TMEM232: variants seen among roughly 807,000 people sequenced by gnomAD.
The protein encoded by TMEM232 is transmembrane protein 232.
TMEM232 carries 80 observed loss-of-function variants against 78.8 expected under a neutral mutation model. That is an observed-to-expected ratio of 1.01 (90% confidence interval 0.85 to 1.22). TMEM232 has a LOEUF of 1.22. TMEM232 is among the 50% of genes most tolerant of loss of function. The pLI is 0.00. For synonymous variants in TMEM232, 297 were observed against 254.3 expected (o/e 1.17, Z -1.60); for missense variants, 881 against 742.2 (o/e 1.19, Z -2.17).
chr5:110,614,553 G>A (rs1782700458), intron 8 of TMEM232, among the ~76,000 whole-genome samples: 1 of 151,908 alleles, frequency 6.6e-6, no homozygotes, highest in South Asian at 2.1e-4. Flanking sequence ...CTAAAAATCG[G>A]TTAAAGAAAG....
rs1781394617 is a variant in TMEM232 at position 110,605,185 on chromosome 5, T to C, written c.1200A>G (p.Lys400=). 2 of 1,550,822 alleles carry C rather than the reference T, an allele frequency of 1.3e-6. No individual in the cohort carries two copies. Among genetic ancestry groups the C allele is most frequent in the African/African-American group, 1.4e-5 (1 of 73,002 alleles). ...SSQKNILYLD[K]SVPPELKETS... ...TTTCCTTTAATTCTGGAGGTACTGA[T>C]TTGTCCAAGTATAAAATATTTTTTT... Residue 400 remains lysine (K), a synonymous_variant, in exon 10 of 14, where the codon AAA becomes AAG. Transcript: ENST00000455884.
chr5:110,679,618 T>A (rs879474733), intron 1 of TMEM232, among the ~76,000 whole-genome samples: 1 of 152,204 alleles, frequency 6.6e-6, no homozygotes, highest in African/African-American at 2.4e-5. Context: ...TCTAGATTTT[T>A]ATCTGCATAT....
In TMEM232 at chr5:110,714,166, T is replaced by A. The variant is rs189371887; in HGVS notation, c.-13+12461A>T. Among the ~76,000 whole-genome samples the A allele has an allele frequency of 8.3e-4, 126 of 152,274 alleles. 1 individual carries two copies. Among genetic ancestry groups the A allele is most frequent in the Non-Finnish European group, 4.4e-4 (30 of 68,026 alleles). ...CTTGTCTGTTAACTGAGAGTATAATTTGGCAAGTTGGAACTCCCTGCTGCA... is the reference window on the plus strand; with the variant it reads ...CTTGTCTGTTAACTGAGAGTATAATATGGCAAGTTGGAACTCCCTGCTGCA... On this transcript the variant is annotated intron_variant, in intron 1 of 13. Coordinates refer to ENST00000455884, the MANE Select transcript of TMEM232 (RefSeq NM_001039763.4).
chr5:110,488,218 A>G (rs1764674050), intron 12 of TMEM232, among the ~76,000 whole-genome samples: 1 of 151,840 alleles, frequency 6.6e-6, no homozygotes, highest in Non-Finnish European at 1.5e-5. Context: ...TTTGTTTCTC[A>G]GTGAGGTTAT....
At chr5:110,639,244 A>G (rs143040524) in intron 4 of TMEM232, among the ~76,000 whole-genome samples, 2,736 of 152,234 alleles carry the variant, frequency 0.018, 30 homozygotes, top group Admixed American at 0.024. Context: ...TGGATTACAG[A>G]ATGAGGAGCA....
chr5:110,468,570 T>C (rs781640072), intron 12 of TMEM232, among the ~76,000 whole-genome samples: 20 of 152,204 alleles, frequency 1.3e-4, no homozygotes, highest in South Asian at 4.2e-4. Flanking sequence ...AAATGAAACA[T>C]TGGAAATTCT....
chr5:110,528,106 T>C (rs1324821410), intron 12 of TMEM232, among the ~76,000 whole-genome samples: 1 of 151,912 alleles, frequency 6.6e-6, no homozygotes, highest in Non-Finnish European at 1.5e-5. Context: ...CTTTAATAAA[T>C]TGTTCCTAAG....
At chr5:110,595,316 G>C (rs1780029287) in intron 10 of TMEM232, among the ~76,000 whole-genome samples, 1 of 152,134 alleles carries the variant, frequency 6.6e-6, no homozygotes, top group African/African-American at 2.4e-5. Context: ...AAAGATGAGG[G>C]AAAACCAGTG....
At chr5:110,474,381 TC>T (rs1438785988) in intron 12 of TMEM232, among the ~76,000 whole-genome samples, 4 of 152,088 alleles carry the variant, frequency 2.6e-5, no homozygotes, top group South Asian at 4.1e-4. Context: ...GTTTAATGTA[TC>T]CCTGTTCTGT....
intron 5 of TMEM232, among the ~76,000 whole-genome samples, chr5:110,636,378 G>A (rs952874755): frequency 9.9e-5 from 15 of 151,868 alleles, no homozygotes; most frequent in Non-Finnish European, 2.1e-4. Context: ...ACAATGCTTT[G>A]TATATTTCAA....
At chr5:110,712,684 G>A (rs1796615115) in intron 1 of TMEM232, among the ~76,000 whole-genome samples, 1 of 152,088 alleles carries the variant, frequency 6.6e-6, no homozygotes, top group African/African-American at 2.4e-5. Flanking sequence ...TAAATATTGT[G>A]TTTTGTATAG....
chr5:110,544,007 T>C (rs1773476689), intron 11 of TMEM232, among the ~76,000 whole-genome samples: 1 of 152,144 alleles, frequency 6.6e-6, no homozygotes, highest in South Asian at 2.1e-4. Context: ...CTAATGAACA[T>C]CTTTTACAAC....
At chr5:110,461,847 TTGC>T (rs1394300817) in intron 12 of TMEM232, among the ~76,000 whole-genome samples, 1 of 152,200 alleles carries the variant, frequency 6.6e-6, no homozygotes, top group East Asian at 1.9e-4. Context: ...ACAGCATGGT[TTGC>T]TGAATATTTT....
At position 110,491,207 on chromosome 5, in the gene TMEM232, T is replaced by A. The variant is rs534671273; in HGVS notation, c.1703+37381A>T. Among the ~76,000 whole-genome samples, 3 of 152,116 alleles carry A rather than the reference T, an allele frequency of 2.0e-5. No individual in the cohort carries two copies. The East Asian group carries it at 5.8e-4, about 29-fold the overall frequency. On this transcript the variant is annotated intron_variant, in intron 12 of 13. Coordinates refer to ENST00000455884, the MANE Select transcript of TMEM232 (RefSeq NM_001039763.4). The stretch of plus-strand genomic sequence containing the variant: ...AAAGAAGGTAAACACATGGTCCATA[T>A]GAACATAAAAAGACATTCAACATCA...
chr5:110,580,929 T>C (rs1484533894), intron 10 of TMEM232, among the ~76,000 whole-genome samples: 1 of 151,326 alleles, frequency 6.6e-6, no homozygotes, highest in African/African-American at 2.4e-5. Context: ...CACAAAGAAA[T>C]ACAATACCTA....
At chr5:110,543,545 T>A (rs896022605) in intron 11 of TMEM232, among the ~76,000 whole-genome samples, 8 of 152,184 alleles carry the variant, frequency 5.3e-5, no homozygotes, top group African/African-American at 1.9e-4. Flanking sequence ...TTAGTTAACT[T>A]CTCCAGGACT....
intron 10 of TMEM232, among the ~76,000 whole-genome samples, chr5:110,599,171 C>T (rs1054528665): frequency 7.9e-5 from 12 of 151,958 alleles, no homozygotes; most frequent in Non-Finnish European, 1.3e-4. Context: ...CTGAAAGAGG[C>T]ACTAAATATG....
At chr5:110,480,882 C>T (rs1367631292) in intron 12 of TMEM232, among the ~76,000 whole-genome samples, 2 of 151,994 alleles carry the variant, frequency 1.3e-5, no homozygotes, top group Non-Finnish European at 2.9e-5. Flanking sequence ...TCAGTAGTAA[C>T]AAATAATAAA....
At chr5:110,669,937 C>T (rs1218048796) in intron 1 of TMEM232, among the ~76,000 whole-genome samples, 1 of 152,174 alleles carries the variant, frequency 6.6e-6, no homozygotes, top group Non-Finnish European at 1.5e-5. Context: ...AACAACCCTT[C>T]ATGCTAAAAA....
Sources: allele counts gnomAD v4.1 joint callset (sites outside exome capture counted in the v4.1 genomes callset), GRCh38; gene constraint gnomAD v4.1.1; transcripts MANE v1.5; gene names NCBI Gene and HGNC (gene_info 2026-07-23, HGNC 2026-07-21).